NTN1: variants seen among roughly 807,000 people sequenced by gnomAD.
NTN1 encodes netrin 1.
Under a neutral mutation model 54.2 loss-of-function variants are expected in NTN1, and 11 were observed. The observed-to-expected ratio is 0.20, with a 90% CI of 0.13 to 0.34. NTN1 has a LOEUF of 0.34. NTN1 is among the 10% of genes least tolerant of loss of function. NTN1 has a pLI of 1.00. For missense variants in NTN1, 740 were observed against 893.1 expected, an observed-to-expected ratio of 0.83 and a Z score of 2.18; for synonymous variants, 371 against 382.0, an observed-to-expected ratio of 0.97 and a Z score of 0.33.
intron 2 of NTN1, among the ~76,000 whole-genome samples, chr17:9,045,403 A>ACCACC (rs2091938697): frequency 6.6e-6 from 1 of 152,156 alleles, no homozygotes; most frequent in African/African-American, 2.4e-5. Flanking sequence ...ATATGCCAAC[A>ACCACC]CCACCCCCGG....
chr17:9,133,970 TCTCAGCTCACTGCAAC>T (rs2092273745), intron 2 of NTN1, among the ~76,000 whole-genome samples: 1 of 143,750 alleles, frequency 7.0e-6, no homozygotes, highest in African/African-American at 2.6e-5. Flanking sequence ...AGTGATGTGA[TCTCAGCTCACTGCAAC>T]CTCTGCCTCC....
intron 6 of NTN1, among the ~76,000 whole-genome samples, chr17:9,235,403 G>A (rs180824051): frequency 9.2e-5 from 14 of 152,304 alleles, no homozygotes; most frequent in South Asian, 2.1e-4. Flanking sequence ...CTGTTCCAGC[G>A]TTGTTGAAGA....
At chr17:9,117,133 G>C (rs1331406727) in intron 2 of NTN1, among the ~76,000 whole-genome samples, 3 of 152,192 alleles carry the variant, frequency 2.0e-5, no homozygotes, top group Admixed American at 6.5e-5. Flanking sequence ...CAGACATGAT[G>C]TTATAGGAAA....
rs1904355506 is a variant in NTN1 at position 9,188,632 on chromosome 17, G to A, written c.1411+5663G>A. Among the ~76,000 whole-genome samples the A allele has an allele frequency of 3.3e-5, 5 of 152,238 alleles. No homozygotes were observed. In the South Asian group the frequency reaches 1.0e-3, roughly 32 times the overall value. On this transcript the variant is annotated intron_variant, in intron 5 of 6. Coordinates refer to ENST00000173229, the MANE Select transcript of NTN1 (RefSeq NM_004822.3). The stretch of plus-strand genomic sequence containing the variant: ...GCTTGTCTTCCTGTCGCCTCACTGG[G>A]AACCTTTGGAGGGGATGGCGGAAGT...
intron 2 of NTN1, among the ~76,000 whole-genome samples, chr17:9,119,954 T>C (rs2092227060): frequency 6.6e-6 from 1 of 152,102 alleles, no homozygotes; most frequent in African/African-American, 2.4e-5. Context: ...TACAGATGTT[T>C]TGCCCAGTTT....
intron 2 of NTN1, among the ~76,000 whole-genome samples, chr17:9,049,011 A>C (rs2091950781): frequency 6.6e-6 from 1 of 152,188 alleles, no homozygotes; most frequent in Admixed American, 6.5e-5. Context: ...AATGAAGTAA[A>C]ATCTCTGGGA....
intron 5 of NTN1, among the ~76,000 whole-genome samples, chr17:9,203,654 T>A (rs1249367637): frequency 1.3e-5 from 2 of 151,660 alleles, no homozygotes. Flanking sequence ...ACAAAAAAAA[T>A]TAGCCAGGCG....
chr17:9,062,580 T>C (rs1057503055), intron 2 of NTN1, among the ~76,000 whole-genome samples: 1 of 152,164 alleles, frequency 6.6e-6, no homozygotes, highest in Non-Finnish European at 1.5e-5. Flanking sequence ...CTACCCTTGG[T>C]TTCAAAAGGT....
At chr17:9,201,709 A>G (rs992557875) in intron 5 of NTN1, among the ~76,000 whole-genome samples, 7 of 152,028 alleles carry the variant, frequency 4.6e-5, no homozygotes, top group Non-Finnish European at 7.4e-5. Flanking sequence ...GATCTGTGGG[A>G]TCCACAGCCA....
intron 5 of NTN1, among the ~76,000 whole-genome samples, chr17:9,195,192 A>ACCGCCCCCCCCCCCCCCCCC (rs3031881): frequency 2.4e-4 from 34 of 142,366 alleles, no homozygotes; most frequent in Non-Finnish European, 3.2e-4. Flanking sequence ...GGCGAGCTCT[A>ACCGCCCCCCCCCCCCCCCCC]CCACCCCTCC....
chr17:9,234,713 G>A (rs1483576651), intron 6 of NTN1, among the ~76,000 whole-genome samples: 1 of 152,222 alleles, frequency 6.6e-6, no homozygotes, highest in East Asian at 1.9e-4. Context: ...GCTCGAGGAA[G>A]GGAGGATGAA....
At chr17:9,208,364 C>G (rs1006076032) in intron 5 of NTN1, among the ~76,000 whole-genome samples, 2 of 152,200 alleles carry the variant, frequency 1.3e-5, no homozygotes, top group African/African-American at 4.8e-5. Context: ...TTGGTCCAGG[C>G]AGCTTTGGTG....
At chr17:9,009,320 C>T in the NTN1 span, among the ~76,000 whole-genome samples, 3 of 152,296 alleles carry the variant, frequency 2.0e-5, no homozygotes, top group East Asian at 3.9e-4. Context: ...GCTCTCTGGG[C>T]GACCCCATAA....
At chr17:9,005,429 A>AAC in the NTN1 span, among the ~76,000 whole-genome samples, 2 of 138,112 alleles carry the variant, frequency 1.4e-5, no homozygotes, top group Admixed American at 7.6e-5. Flanking sequence ...ACCCCGACCC[A>AAC]ACACACACAC....
At chr17:9,086,050 T>C (rs1405567794) in intron 2 of NTN1, among the ~76,000 whole-genome samples, 1 of 152,210 alleles carries the variant, frequency 6.6e-6, no homozygotes, top group African/African-American at 2.4e-5. Flanking sequence ...CAATTGATAA[T>C]TTATGAAAGC....
At chr17:9,146,258 T>G (rs1275928193) in intron 2 of NTN1, among the ~76,000 whole-genome samples, 1 of 152,166 alleles carries the variant, frequency 6.6e-6, no homozygotes, top group Non-Finnish European at 1.5e-5. Flanking sequence ...GGGTGCCTGG[T>G]GCACAGAGAC....
At position 9,242,669 on chromosome 17, in the gene NTN1, TG is replaced by T. The variant is rs1906260588; in HGVS notation, c.*2705del. The T allele has an allele frequency of 6.6e-6, 1 of 152,196 alleles. No individual in the cohort carries two copies. Among genetic ancestry groups the T allele is most frequent in the Admixed American group, 6.5e-5 (1 of 15,286 alleles). The allele number at this position is 152,196 out of a possible 1,614,324, so 9.4% of individuals were successfully genotyped here. A position where few individuals can be genotyped will look rare whatever the true frequency, so the allele number is the denominator to read the frequency against. The stretch of plus-strand genomic sequence containing the variant: ...GCTGTCCGCCCGGTGGTCTGGCCCT[TG>T]GGGAATGCGTCAGGGTGACCAGATC... On this transcript the variant is annotated 3_prime_UTR_variant, in exon 7 of 7. Coordinates refer to ENST00000173229, the MANE Select transcript of NTN1 (RefSeq NM_004822.3).
At chr17:9,151,766 C>T (rs1414050277) in intron 2 of NTN1, among the ~76,000 whole-genome samples, 2 of 152,128 alleles carry the variant, frequency 1.3e-5, no homozygotes, top group African/African-American at 4.8e-5. Context: ...AGCTGGACTT[C>T]CTGGGTCTGC....
intron 2 of NTN1, among the ~76,000 whole-genome samples, chr17:9,127,075 G>T (rs1021722886): frequency 2.0e-5 from 3 of 149,390 alleles, no homozygotes; most frequent in African/African-American, 7.4e-5. Flanking sequence ...TAGGGCCGGG[G>T]GGGGGCAGGA....
Sources: allele counts gnomAD v4.1 joint callset (sites outside exome capture counted in the v4.1 genomes callset), GRCh38; gene constraint gnomAD v4.1.1; transcripts MANE v1.5; gene names NCBI Gene and HGNC (gene_info 2026-07-23, HGNC 2026-07-21).